The following CENPS variants were observed in gnomAD, a reference collection of about 807,000 sequenced individuals.
The protein encoded by CENPS is centromere protein S.
In CENPS, 16 loss-of-function variants were observed where a neutral mutation model predicts 17.9. The ratio of observed to expected loss-of-function variants is 0.90; its 90% confidence interval spans 0.61 to 1.36. The LOEUF (loss-of-function observed/expected upper bound fraction) is 1.36. Ranked by LOEUF, CENPS falls within the 40% of genes most tolerant of loss-of-function variation. The probability of loss-of-function intolerance (pLI) is 0.00; values close to 1 mark genes in which losing one functional copy is unlikely to be tolerated. For synonymous variants in CENPS, 49 were observed against 55.8 expected (o/e 0.88, Z 0.54); for missense variants, 160 against 158.6 (o/e 1.01, Z -0.05).
intron 4 of CENPS, 120 bp from the exon 5 acceptor site, chr1:10,442,145 C>G (rs1640443767): frequency 7.6e-7 from 1 of 1,311,244 alleles, no homozygotes; most frequent in South Asian, 1.7e-5. Flanking sequence ...CAGGCTTTGG[C>G]TTTTCTACCC....
chr1:10,441,454 A>G (rs968754593), intron 4 of CENPS, among the ~76,000 whole-genome samples: 22 of 150,310 alleles, frequency 1.5e-4, no homozygotes, highest in Admixed American at 8.0e-4. Flanking sequence ...AGCTGGGACT[A>G]CAGGTGCATG....
rs182303140 is a variant in CENPS, at chr1:10,436,500, G to A, written c.209+1810G>A. Among the ~76,000 whole-genome samples the A allele has an allele frequency of 8.0e-5, 12 of 149,706 alleles. No homozygotes were observed. In the East Asian group the frequency reaches 2.0e-3, roughly 25 times the overall value. On this transcript the variant is annotated intron_variant, in intron 3 of 4. Coordinates refer to ENST00000309048, the MANE Select transcript of CENPS (RefSeq NM_199294.3). Reference sequence around the variant, plus strand: ...GTGGATCACCTGAGCTCAGGAGTTCGAGACCAGCCTGGGCAACAGGGTGAA... The same window carrying A: ...GTGGATCACCTGAGCTCAGGAGTTCAAGACCAGCCTGGGCAACAGGGTGAA...
intron 1 of CENPS, chr1:10,431,021 G>C: frequency 7.5e-7 from 1 of 1,324,896 alleles, no homozygotes; most frequent in South Asian, 1.6e-5. Context: ...GTGCGGACCA[G>C]TCAGGCCCAG....
chr1:10,430,996 T>G, intron 1 of CENPS: 1 of 1,288,638 alleles, frequency 7.8e-7, no homozygotes, highest in Non-Finnish European at 9.9e-7. Context: ...CCCTCGTTAC[T>G]GATGCAGGGA....
chr1:10,430,650 C>G (rs1360147643), intron 1 of CENPS, 82 bp downstream of exon 1: 3 of 1,476,894 alleles, frequency 2.0e-6, no homozygotes, highest in Non-Finnish European at 2.7e-6. Flanking sequence ...CAGCCCCCGG[C>G]GGCTTCTCAT....
chr1:10,441,620 CTTTTTTTTTTTTT>C (rs34369229), intron 4 of CENPS, among the ~76,000 whole-genome samples: 1 of 48,354 alleles, frequency 2.1e-5, no homozygotes, highest in African/African-American at 8.7e-5. Context: ...GGCTACAACT[CTTTTTTTTTTTTT>C]TTTTTTTTTT....
At chr1:10,432,475 C>G (rs547912090) in intron 1 of CENPS, among the ~76,000 whole-genome samples, 1 of 152,306 alleles carries the variant, frequency 6.6e-6, no homozygotes, top group African/African-American at 2.4e-5. Context: ...AAATTTGCCC[C>G]TCAGCTGTGA....
At chr1:10,438,317 G>C (rs1347758288) in intron 3 of CENPS, among the ~76,000 whole-genome samples, 1 of 152,002 alleles carries the variant, frequency 6.6e-6, no homozygotes, top group African/African-American at 2.4e-5. Flanking sequence ...GGTAATTTTT[G>C]TCGTTGTAGT....
In CENPS at chr1:10,440,319, T is replaced by C. The variant is rs560450199; in HGVS notation, c.210-28T>C. 5.0e-6 allele frequency: 8 copies of C among 1,609,816 alleles called. No individual in the cohort carries two copies. In the South Asian group the frequency reaches 8.9e-5, roughly 18 times the overall value. ...AAACTTTAAATAATACCAAACATTT[T>C]GGTGACTTGCTTCTGCCCTTTCTGC... is the stretch of plus-strand genomic sequence containing the variant. On this transcript the variant is annotated intron_variant, in intron 3 of 4. Transcript: ENST00000309048.
At position 10,437,758 on chromosome 1, in the gene CENPS, ATTTTTTT is replaced by A. The variant is rs59257602; in HGVS notation, c.210-2571_210-2565del. Among the ~76,000 whole-genome samples, 1,103 of 123,168 alleles carry A rather than the reference ATTTTTTT, an allele frequency of 9.0e-3. 11 individuals carry two copies. Among genetic ancestry groups the A allele is most frequent in the African/African-American group, 0.028 (886 of 31,738 alleles). The allele number at this position is 123,168 out of a possible 152,430, so 80.8% of individuals were successfully genotyped here. A position where few individuals can be genotyped will look rare whatever the true frequency, so the allele number is the denominator to read the frequency against. Reference sequence around the variant, plus strand: ...TGGCATGAGCCACTGTGCCTGGCCAATTTTTTTTTTTTTTTTTTTTTTTTGAGACAGA... The same window carrying A: ...TGGCATGAGCCACTGTGCCTGGCCAATTTTTTTTTTTTTTTTTGAGACAGA... On this transcript the variant is annotated intron_variant, in intron 3 of 4. Transcript: ENST00000309048.
intron 2 of CENPS, 105 bp downstream of exon 2, chr1:10,434,070 A>G: frequency 1.9e-6 from 3 of 1,554,960 alleles, no homozygotes; most frequent in Non-Finnish European, 2.6e-6. Context: ...CCAGCAGACC[A>G]AGAATATTAT....
At chr1:10,432,157 G>A (rs1291448484) in intron 1 of CENPS, among the ~76,000 whole-genome samples, 2 of 151,542 alleles carry the variant, frequency 1.3e-5, no homozygotes, top group East Asian at 3.9e-4. Context: ...GCTCCATCTC[G>A]CCTCACTGCA....
intron 3 of CENPS, among the ~76,000 whole-genome samples, chr1:10,438,098 C>T (rs571259234): frequency 1.3e-5 from 2 of 152,080 alleles, no homozygotes; most frequent in Non-Finnish European, 2.9e-5. Context: ...AATCAATTCA[C>T]TAGCAGACTT....
intron 1 of CENPS, 156 bp downstream of exon 1, chr1:10,430,724 T>A: frequency 7.1e-7 from 1 of 1,412,980 alleles, no homozygotes; most frequent in Non-Finnish European, 9.2e-7. Flanking sequence ...CCGCGGGTGG[T>A]GCTGGGAGGC....
chr1:10,431,323 A>G, intron 1 of CENPS: 2 of 1,535,172 alleles, frequency 1.3e-6, no homozygotes, highest in South Asian at 1.2e-5. Flanking sequence ...CCTCTCTACA[A>G]AGTTACACTG....
At chr1:10,440,476 C>G in intron 4 of CENPS, 63 bp downstream of exon 4, 1 of 1,590,344 alleles carries the variant, frequency 6.3e-7, no homozygotes, top group Admixed American at 1.8e-5. Flanking sequence ...CCCAATCAAT[C>G]ACTTGAAGCC....
chr1:10,440,385 A>G lies in CENPS; in HGVS notation c.248A>G (p.Lys83Arg). 1.9e-6 allele frequency: 3 copies of G among 1,614,018 alleles called. No homozygotes were observed. Among genetic ancestry groups the G allele is most frequent in the Non-Finnish European group, 2.5e-6 (3 of 1,179,972 alleles). The part of the protein sequence containing the change: ...KRTTINTEDV[K>R]LLARRSNSLL... Reference sequence around the variant, plus strand: ...ACCACAATTAACACTGAAGATGTGAAGCTCTTAGCCAGGAGGAGTAATTCA... The same window carrying G: ...ACCACAATTAACACTGAAGATGTGAGGCTCTTAGCCAGGAGGAGTAATTCA... The change falls in exon 4 of 5, where the codon AAG becomes AGG. Residue 83 changes from lysine to arginine, a missense_variant. By Grantham distance (26) the Lys-to-Arg change is conservative. Coordinates refer to ENST00000309048, the MANE Select transcript of CENPS (RefSeq NM_199294.3).
Position 10,433,958 on chromosome 1 carries a change from A to G in CENPS, c.168A>G (p.Arg56=). ...CGGCCATTTCGGAGCTGACTTTCCG[A>G]CAGTGTGGTATGAAGCTTCGGCCTC... The part of the protein sequence containing the change: ...TIAAISELTF[R]QCENFAKDLE... The change falls in exon 2 of 5, where the codon CGA becomes CGG. Residue 56 remains arginine, a synonymous_variant. Coordinates refer to ENST00000309048, the MANE Select transcript of CENPS (RefSeq NM_199294.3). 6.2e-7 allele frequency: 1 copy of G among 1,614,166 alleles called. No homozygotes were observed. The highest frequency in any genetic ancestry group is 8.5e-7 in the Non-Finnish European group (1 of 1,180,028).
chr1:10,436,571 C>G (rs1640169156), intron 3 of CENPS, among the ~76,000 whole-genome samples: 1 of 150,702 alleles, frequency 6.6e-6, no homozygotes, highest in African/African-American at 2.4e-5. Flanking sequence ...CTGGGCGTGG[C>G]AGCATGCGCC....
Sources: allele counts gnomAD v4.1 joint callset (sites outside exome capture counted in the v4.1 genomes callset), GRCh38; gene constraint gnomAD v4.1.1; transcripts MANE v1.5; gene names NCBI Gene and HGNC (gene_info 2026-07-23, HGNC 2026-07-21).